RMC1: variants seen among roughly 807,000 people sequenced by gnomAD.
RMC1 encodes regulator of MON1-CCZ1 complex.
RMC1 carries 44 observed loss-of-function variants against 95.5 expected under a neutral mutation model. The observed-to-expected ratio is 0.46, with a 90% confidence interval of 0.36 to 0.59. The LOEUF is 0.59. RMC1 is among the 20% of genes least tolerant of loss of function. RMC1 has a pLI of 0.00. For synonymous variants in RMC1, 320 were observed against 303.6 expected (o/e 1.05, Z -0.56); for missense variants, 705 against 819.6 (o/e 0.86, Z 1.71).
At chr18:23,526,437 C>A (rs2058299953) in intron 12 of RMC1, among the ~76,000 whole-genome samples, 200 bp from the exon 13 acceptor site, 1 of 152,140 alleles carries the variant, frequency 6.6e-6, no homozygotes, top group Admixed American at 6.5e-5. Flanking sequence ...GGCTGTCATC[C>A]TCCTGTGGTA....
chr18:23,525,565 C>G (rs1476180593), intron 12 of RMC1, among the ~76,000 whole-genome samples: 1 of 152,186 alleles, frequency 6.6e-6, no homozygotes, highest in Non-Finnish European at 1.5e-5. Flanking sequence ...GCTGGGATTA[C>G]AGGCATGCGC....
At chr18:23,527,770 G>T (rs779244233) in intron 13 of RMC1, 25 bp from the exon 14 acceptor site, 25 of 1,586,812 alleles carry the variant, frequency 1.6e-5, no homozygotes, top group Admixed American at 5.0e-5. Flanking sequence ...GGTTTGATCC[G>T]TGTGTGAACA....
chr18:23,517,131 G>T (rs2058029265), intron 7 of RMC1, among the ~76,000 whole-genome samples: 1 of 151,754 alleles, frequency 6.6e-6, no homozygotes, highest in African/African-American at 2.4e-5. Flanking sequence ...TATATATAGA[G>T]GTATATTTTC....
Position 23,530,464 on chromosome 18 carries a change from C to T in RMC1, c.1746C>T (p.Ile582=). Residue 582 remains isoleucine, a synonymous_variant, in exon 19 of 20, where the codon ATC becomes ATT. Transcript: ENST00000269221. ...AAGTGTTAGCTGCCTTAAGGTTTAT[C>T]CGGGGCATTGGTGGCCATGACAACA... ...KHQVLAALRF[I]RGIGGHDNIS... 1 of 1,614,258 alleles carries T rather than the reference C, an allele frequency of 6.2e-7. No individual in the cohort carries two copies. Among genetic ancestry groups the T allele is most frequent in the Non-Finnish European group, 8.5e-7 (1 of 1,180,054 alleles).
chr18:23,528,358 GT>G (rs1219381111), intron 14 of RMC1: 1 of 156,440 alleles, frequency 6.4e-6, no homozygotes, highest in African/African-American at 2.4e-5. Context: ...CTTAGCAGGC[GT>G]GTTTGTAGTC....
At chr18:23,520,873 G>A (rs919487358) in intron 10 of RMC1, among the ~76,000 whole-genome samples, 1 of 152,132 alleles carries the variant, frequency 6.6e-6, no homozygotes, top group Non-Finnish European at 1.5e-5. Flanking sequence ...GCACCACCAC[G>A]CCCAGCTAAT....
intron 2 of RMC1, among the ~76,000 whole-genome samples, chr18:23,505,384 A>G (rs960977126): frequency 7.2e-5 from 11 of 152,036 alleles, no homozygotes; most frequent in Non-Finnish European, 1.2e-4. Flanking sequence ...TAAAGTATGG[A>G]TGGGGTTCGA....
intron 1 of RMC1, among the ~76,000 whole-genome samples, chr18:23,503,924 C>T (rs1173110055): frequency 6.6e-6 from 1 of 151,846 alleles, no homozygotes; most frequent in African/African-American, 2.4e-5. Flanking sequence ...GGGCTGGACC[C>T]CCGAGCCAGC....
intron 11 of RMC1, 50 bp from the exon 12 acceptor site, chr18:23,524,379 T>G: frequency 6.2e-7 from 1 of 1,602,158 alleles, no homozygotes; most frequent in African/African-American, 1.3e-5. Context: ...AAACTGGGTT[T>G]GCTTTTTGTT....
rs1598829225 is a variant in RMC1 at position 23,503,523 on chromosome 18, G to T, written c.-96G>T. 6.3e-6 allele frequency: 5 copies of T among 795,862 alleles called. No individual in the cohort carries two copies. The highest frequency in any genetic ancestry group is 4.4e-4 in the Middle Eastern group (1 of 2,260). The allele number at this position is 795,862 out of a possible 1,614,324, so 49.3% of individuals were successfully genotyped here. On this transcript the variant is annotated 5_prime_UTR_variant, in exon 1 of 20. Transcript: ENST00000269221. ...CCGCGCCGGGCCCAGAGCCGCAGCCGCAGCCGCCGCTACAGTCCGGGCCGG... is the reference window on the plus strand; with the variant it reads ...CCGCGCCGGGCCCAGAGCCGCAGCCTCAGCCGCCGCTACAGTCCGGGCCGG...
chr18:23,510,806 A>G (rs563002460), intron 5 of RMC1, among the ~76,000 whole-genome samples: 1 of 152,390 alleles, frequency 6.6e-6, no homozygotes, highest in Admixed American at 6.5e-5. Flanking sequence ...CATAGCCATT[A>G]TAAAAAAGTC....
Position 23,503,592 on chromosome 18 carries a change from GC to G in RMC1, c.-22del, listed in dbSNP as rs1264198752. ...CTCCACTCTGGCGACCGCCCCCGGG[GC>G]CCCCGCCGCGGGCGCGGCGCCCGCC... On this transcript the variant is annotated 5_prime_UTR_variant, in exon 1 of 20. Transcript: ENST00000269221. 4 of 1,531,824 alleles carry G rather than the reference GC, an allele frequency of 2.6e-6. No individual in the cohort carries two copies. The highest frequency in any genetic ancestry group is 3.5e-6 in the Non-Finnish European group (4 of 1,137,400). 94.9% of individuals were successfully genotyped at this position (1,531,824 alleles called of 1,614,324 possible).
At chr18:23,527,664 G>GTATTTCT (rs71163616) in intron 13 of RMC1, 131 bp from the exon 14 acceptor site, 6 of 607,864 alleles carry the variant, frequency 9.9e-6, no homozygotes, top group South Asian at 1.7e-5. Context: ...GGTCTTTAAA[G>GTATTTCT]TAGAGTGTCC....
chr18:23,527,488 C>T (rs1035992634), intron 13 of RMC1, among the ~76,000 whole-genome samples: 1 of 151,548 alleles, frequency 6.6e-6, no homozygotes, highest in African/African-American at 2.4e-5. Flanking sequence ...CCTTGTTGCC[C>T]AGGCTGGTCT....
intron 14 of RMC1, chr18:23,528,126 A>G (rs922984140): frequency 6.1e-5 from 27 of 442,076 alleles, no homozygotes; most frequent in African/African-American, 5.5e-4. Context: ...TCATACCTTC[A>G]CTGTTTTTGT....
In RMC1 at chr18:23,531,379, T is replaced by C. The variant is rs906522639; in HGVS notation, c.1895-246T>C. On this transcript the variant is annotated intron_variant, in intron 19 of 19. Coordinates refer to ENST00000269221, the MANE Select transcript of RMC1 (RefSeq NM_013326.5). ...GATCAGGGCTGTCTAATGAAACTTCTAGGTCTATTTCTAGCTCAATGTAAG... is the reference window on the plus strand; with the variant it reads ...GATCAGGGCTGTCTAATGAAACTTCCAGGTCTATTTCTAGCTCAATGTAAG... 1.8e-5 allele frequency: 11 copies of C among 603,906 alleles called. No homozygotes were observed. In the African/African-American group the frequency reaches 1.9e-4, roughly 10 times the overall value. The allele number at this position is 603,906 out of a possible 1,614,324, so 37.4% of individuals were successfully genotyped here.
intron 12 of RMC1, among the ~76,000 whole-genome samples, chr18:23,525,101 C>G (rs911580376): frequency 1.8e-4 from 27 of 151,766 alleles, no homozygotes; most frequent in African/African-American, 6.0e-4. Flanking sequence ...CATGTGCCAC[C>G]ACGCCCAGCT....
At chr18:23,517,863 G>A (rs535843498) in intron 7 of RMC1, among the ~76,000 whole-genome samples, 10 of 152,218 alleles carry the variant, frequency 6.6e-5, no homozygotes, top group African/African-American at 2.4e-4. Context: ...GACTACAGGC[G>A]CATGCCACCA....
At position 23,520,264 on chromosome 18, in the gene RMC1, C is replaced by T; in HGVS notation, c.912C>T (p.His304=). Residue 304 remains histidine (H), a synonymous_variant, in exon 10 of 20, where the codon CAC becomes CAT. Transcript: ENST00000269221. ...GEFDGSVTFH[H]PVLPARSIQP... is the part of the protein sequence containing the mutation. ...TTGACGGCTCCGTTACCTTCCACCA[C>T]CCCGTGCTTCCCGCTCGATCGATCC... 6.2e-7 allele frequency: 1 copy of T among 1,614,132 alleles called. No individual in the cohort carries two copies. The highest frequency in any genetic ancestry group is 8.5e-7 in the Non-Finnish European group (1 of 1,180,028).
Sources: allele counts gnomAD v4.1 joint callset (sites outside exome capture counted in the v4.1 genomes callset), GRCh38; gene constraint gnomAD v4.1.1; transcripts MANE v1.5; gene names NCBI Gene and HGNC (gene_info 2026-07-23, HGNC 2026-07-21).